NR1I2: variants seen among roughly 807,000 people sequenced by gnomAD.
NR1I2 encodes orphan nuclear receptor PAR1.
In NR1I2, 42 loss-of-function variants were observed where a neutral mutation model predicts 43.3. That is an observed-to-expected ratio of 0.97 (90% CI 0.76 to 1.26). NR1I2 has a LOEUF of 1.26. NR1I2 is among the 50% of genes most tolerant of loss of function. NR1I2 has a pLI of 0.00. For synonymous variants in NR1I2, 229 were observed against 215.0 expected (o/e 1.06, Z -0.57); for missense variants, 559 against 566.7 (o/e 0.99, Z 0.14).
chr3:119,815,094 C>A lies in NR1I2; in HGVS notation c.910C>A (p.Leu304Met). ...GACTGGAACCTGGGAGTGTGGCCGG[C>A]TGTCCTACTGCTTGGAAGACACTGC... Residue 304 changes from leucine to methionine, a missense_variant, in exon 6 of 9, where the codon CTG becomes ATG. Physicochemically the swap from Leu to Met is conservative, Grantham distance 15. Transcript: ENST00000393716. 6.2e-7 allele frequency: 1 copy of A among 1,614,128 alleles called. No homozygotes were observed. Among genetic ancestry groups the A allele is most frequent in the Non-Finnish European group, 8.5e-7 (1 of 1,180,040 alleles).
intron 2 of NR1I2, among the ~76,000 whole-genome samples, chr3:119,809,570 C>CG (rs1267467806): frequency 2.0e-3 from 8 of 3,938 alleles, no homozygotes; most frequent in South Asian, 0.014. Context: ...GGGGGGAAGG[C>CG]GGGGGGGTGG....
intron 8 of NR1I2, 140 bp from the exon 9 acceptor site, chr3:119,816,928 G>C (rs984573852): frequency 4.7e-6 from 5 of 1,061,946 alleles, no homozygotes; most frequent in African/African-American, 1.6e-5. Flanking sequence ...TAAAAGAGAA[G>C]CTTACGGAAT....
chr3:119,806,045 A>G (rs967549795), intron 1 of NR1I2, among the ~76,000 whole-genome samples: 3 of 152,188 alleles, frequency 2.0e-5, no homozygotes, highest in Non-Finnish European at 2.9e-5. Flanking sequence ...ATGATGTTGG[A>G]AACAGAAATT....
In NR1I2 at chr3:119,794,492, C is replaced by CTT. The variant is rs35100139; in HGVS notation, c.-23+12208_-23+12209dup. 9.8e-4 allele frequency among the ~76,000 whole-genome samples: 134 copies of CTT among 136,192 alleles called. 1 individual carries two copies. The highest frequency in any genetic ancestry group is 6.6e-3 in the South Asian group (28 of 4,220). 89.3% of individuals were successfully genotyped at this position (136,192 alleles called of 152,430 possible). A position where few individuals can be genotyped will look rare whatever the true frequency, so the allele number is the denominator to read the frequency against. ...TATAGGTGTGAGCCACTCACCCAGC[C>CTT]TTTTTTTTTTTTTTTTTAAGAGATA... On this transcript the variant is annotated intron_variant, in intron 1 of 8. Coordinates refer to ENST00000393716, the MANE Select transcript of NR1I2 (RefSeq NM_003889.4).
intron 1 of NR1I2, among the ~76,000 whole-genome samples, chr3:119,783,185 T>C (rs1459668363): frequency 6.6e-6 from 1 of 152,218 alleles, no homozygotes; most frequent in Non-Finnish European, 1.5e-5. Flanking sequence ...AAAAGTATTT[T>C]GTGGTACACA....
At chr3:119,812,559 G>A in intron 4 of NR1I2, 127 bp from the exon 5 acceptor site, 1 of 995,118 alleles carries the variant, frequency 1.0e-6, no homozygotes, top group Non-Finnish European at 1.6e-6. Context: ...GGGTGTGAAT[G>A]CCTGCATTTG....
At chr3:119,798,073 T>A (rs1221815436) in intron 1 of NR1I2, among the ~76,000 whole-genome samples, 1 of 152,222 alleles carries the variant, frequency 6.6e-6, no homozygotes, top group Non-Finnish European at 1.5e-5. Flanking sequence ...GTGTTTTTAA[T>A]CCTTTCATTG....
chr3:119,803,959 C>T (rs1329696907), intron 1 of NR1I2, among the ~76,000 whole-genome samples: 9 of 152,052 alleles, frequency 5.9e-5, no homozygotes, highest in Admixed American at 3.9e-4. Context: ...GGTTTCTCCA[C>T]GTTGGCCAGG....
At chr3:119,808,322 A>G (rs1412717543) in intron 2 of NR1I2, among the ~76,000 whole-genome samples, 1 of 152,194 alleles carries the variant, frequency 6.6e-6, no homozygotes, top group Non-Finnish European at 1.5e-5. Flanking sequence ...CCAGGCAGGA[A>G]TCATTATGTT....
Position 119,811,543 on chromosome 3 carries a change from C to G in NR1I2, c.336C>G (p.Ile112Met). The G allele has an allele frequency of 1.2e-6, 2 of 1,612,130 alleles. No individual in the cohort carries two copies. Among genetic ancestry groups the G allele is most frequent in the Non-Finnish European group, 1.7e-6 (2 of 1,179,046 alleles). The change falls in exon 4 of 9, where the codon ATC (isoleucine) becomes ATG (methionine). Residue 112 changes from isoleucine (I) to methionine (M), a missense_variant. Ile to Met is a conservative substitution (Grantham distance 10). This residue lies in a region of NR1I2 where 232 missense variants were observed against 236.6 expected (regional missense o/e 0.98). Transcript: ENST00000393716. ...CCAGCCTCACTGTCCCTGCAGTGAT[C>G]ATGTCCGACGAGGCCGTGGAGGAGA...
intron 2 of NR1I2, among the ~76,000 whole-genome samples, chr3:119,808,036 G>A (rs55907307): frequency 0.013 from 1,981 of 152,332 alleles, 34 homozygotes; most frequent in African/African-American, 0.043. Context: ...GAAAAGGGCA[G>A]GTTCCAGGGA....
intron 1 of NR1I2, among the ~76,000 whole-genome samples, chr3:119,804,003 C>T (rs1371322353): frequency 1.3e-5 from 2 of 151,976 alleles, no homozygotes; most frequent in African/African-American, 4.8e-5. Context: ...AGTGATCCAC[C>T]CATCTCAGCC....
chr3:119,817,300 G>C lies in NR1I2; in HGVS notation c.*88G>C. 6.2e-7 allele frequency: 1 copy of C among 1,600,498 alleles called. No homozygotes were observed. Among genetic ancestry groups the C allele is most frequent in the South Asian group, 1.1e-5 (1 of 90,396 alleles). ...TCCCGGGCCAAGACAGATGGACACT[G>C]CCAAGAGCCGACAATGCCCTGCTGG... On this transcript the variant is annotated 3_prime_UTR_variant, in exon 9 of 9. Coordinates refer to ENST00000393716, the MANE Select transcript of NR1I2 (RefSeq NM_003889.4).
intron 4 of NR1I2, among the ~76,000 whole-genome samples, chr3:119,812,443 G>A (rs1202370676): frequency 6.6e-6 from 1 of 152,172 alleles, no homozygotes; most frequent in Non-Finnish European, 1.5e-5. Flanking sequence ...GGATGTGTGT[G>A]ACCATTAATT....
chr3:119,812,546 T>G, intron 4 of NR1I2, 140 bp from the exon 5 acceptor site: 1 of 854,260 alleles, frequency 1.2e-6, no homozygotes, highest in Non-Finnish European at 2.0e-6. Flanking sequence ...CACGCATGCA[T>G]GTGGGTGTGA....
At chr3:119,795,023 C>G (rs2054977489) in intron 1 of NR1I2, among the ~76,000 whole-genome samples, 1 of 152,332 alleles carries the variant, frequency 6.6e-6, no homozygotes, top group South Asian at 2.1e-4. Context: ...CCCACGTAAG[C>G]TGACTAAAGG....
At chr3:119,788,786 T>C (rs72552102) in intron 1 of NR1I2, among the ~76,000 whole-genome samples, 2,066 of 152,308 alleles carry the variant, frequency 0.014, 28 homozygotes, top group Non-Finnish European at 0.021. Context: ...ATTTCACATA[T>C]CTCTTTGATT....
Position 119,818,000 on chromosome 3 carries a change from A to T in NR1I2, c.*788A>T. The T allele has an allele frequency of 1.0e-6, 1 of 985,598 alleles. No homozygotes were observed. The highest frequency in any genetic ancestry group is 4.7e-5 in the South Asian group (1 of 21,292). 61.1% of individuals were successfully genotyped at this position (985,598 alleles called of 1,614,324 possible). A position where few individuals can be genotyped will look rare whatever the true frequency, so the allele number is the denominator to read the frequency against. On this transcript the variant is annotated 3_prime_UTR_variant, in exon 9 of 9. Transcript: ENST00000393716. ...GGATCAAAAGGAGAAATGATAAGTG[A>T]CAAAAGCAGCACAAGGAATTTCCCT...
chr3:119,811,750 C>A (rs755076214), intron 4 of NR1I2, 24 bp downstream of exon 4: 1 of 1,580,556 alleles, frequency 6.3e-7, no homozygotes, highest in South Asian at 1.1e-5. Context: ...CACAGTGACC[C>A]GAGGTGTCAC....
Sources: allele counts gnomAD v4.1 joint callset (sites outside exome capture counted in the v4.1 genomes callset), GRCh38; gene constraint gnomAD v4.1.1; regional missense constraint gnomAD v4.1.1; transcripts MANE v1.5; gene names NCBI Gene and HGNC (gene_info 2026-07-23, HGNC 2026-07-21).